CTNNA3: variants seen among roughly 807,000 people sequenced by gnomAD.
CTNNA3 encodes catenin alpha 3, also known as catenin alpha-3.
In CTNNA3, 76 loss-of-function variants were observed where a neutral mutation model predicts 95.7. The ratio of observed to expected loss-of-function variants is 0.79; its 90% CI spans 0.66 to 0.96. The LOEUF is 0.96. Ranked by LOEUF, CTNNA3 falls within the 40% of genes least tolerant of loss-of-function variation. The pLI is 0.00. For synonymous variants in CTNNA3, 431 were observed against 374.4 expected, an observed-to-expected ratio of 1.15 and a Z score of -1.74; for missense variants, 1,191 against 1,089.8, an observed-to-expected ratio of 1.09 and a Z score of -1.31.
At chr10:66,851,345 C>T (rs10997408) in intron 7 of CTNNA3, among the ~76,000 whole-genome samples, 87,705 of 151,968 alleles carry the variant, frequency 0.58, 26,352 homozygotes, top group Non-Finnish European at 0.63. Flanking sequence ...GCCCAGTAAT[C>T]TGGCATTCAA....
At chr10:66,245,583 G>A (rs2090284024) in intron 13 of CTNNA3, among the ~76,000 whole-genome samples, 2 of 152,314 alleles carry the variant, frequency 1.3e-5, no homozygotes, top group African/African-American at 2.4e-5. Flanking sequence ...GTCCCACAGA[G>A]GGTAGCTCCT....
intron 7 of CTNNA3, among the ~76,000 whole-genome samples, chr10:67,064,554 G>T (rs1170781904): frequency 1.3e-5 from 2 of 152,052 alleles, no homozygotes; most frequent in African/African-American, 4.8e-5. Context: ...TTTATAATTA[G>T]AACCAAATAA....
At chr10:66,242,740 C>T (rs2090160082) in intron 13 of CTNNA3, among the ~76,000 whole-genome samples, 1 of 152,054 alleles carries the variant, frequency 6.6e-6, no homozygotes, top group Admixed American at 6.5e-5. Flanking sequence ...ATATATTTAG[C>T]CCTCACCCTG....
At chr10:67,468,020 CTTT>C (rs746617151) in intron 5 of CTNNA3, among the ~76,000 whole-genome samples, 2 of 142,508 alleles carry the variant, frequency 1.4e-5, no homozygotes, top group Non-Finnish European at 3.1e-5. Context: ...CTCCAACTTT[CTTT>C]TTTTTTTTTT....
intron 15 of CTNNA3, among the ~76,000 whole-genome samples, chr10:66,011,246 G>C (rs2079000033): frequency 1.3e-5 from 2 of 151,796 alleles, no homozygotes; most frequent in Non-Finnish European, 2.9e-5. Context: ...CCTCCCTCTT[G>C]GCCACATTCT....
intron 5 of CTNNA3, among the ~76,000 whole-genome samples, chr10:67,435,067 T>C (rs1054857281): frequency 1.3e-5 from 2 of 152,052 alleles, no homozygotes; most frequent in Non-Finnish European, 2.9e-5. Flanking sequence ...AATAAAGCAT[T>C]TCTTTTTGTT....
intron 9 of CTNNA3, among the ~76,000 whole-genome samples, chr10:66,689,185 C>T (rs1847421195): frequency 6.6e-6 from 1 of 151,892 alleles, no homozygotes; most frequent in African/African-American, 2.4e-5. Context: ...ACACTTAGGG[C>T]AGAGGGGGAA....
chr10:66,041,050 A>C (rs1230242046), intron 15 of CTNNA3, among the ~76,000 whole-genome samples: 1 of 152,172 alleles, frequency 6.6e-6, no homozygotes, highest in Non-Finnish European at 1.5e-5. Flanking sequence ...CCAAATGATC[A>C]AGGTTAATTA....
At chr10:66,573,351 T>C (rs934956385) in intron 10 of CTNNA3, among the ~76,000 whole-genome samples, 13 of 152,288 alleles carry the variant, frequency 8.5e-5, no homozygotes, top group Admixed American at 5.9e-4. Flanking sequence ...TTATGAATGA[T>C]GTGATTGACT....
chr10:66,419,358 A>T (rs117004266), intron 11 of CTNNA3, among the ~76,000 whole-genome samples: 9 of 152,122 alleles, frequency 5.9e-5, no homozygotes, highest in African/African-American at 2.2e-4. Context: ...TCTACAAGGA[A>T]AACTATAAGA....
chr10:66,755,498 A>T (rs1403551718), intron 9 of CTNNA3, among the ~76,000 whole-genome samples: 1 of 152,142 alleles, frequency 6.6e-6, no homozygotes, highest in Non-Finnish European at 1.5e-5. Flanking sequence ...TAATTAGGGA[A>T]ATGCAAGTTG....
At chr10:65,986,939 G>T (rs1329391291) in intron 16 of CTNNA3, among the ~76,000 whole-genome samples, 2 of 151,422 alleles carry the variant, frequency 1.3e-5, no homozygotes, top group Non-Finnish European at 3.0e-5. Flanking sequence ...TTTTGAACAA[G>T]TGTCAAGAAC....
intron 9 of CTNNA3, among the ~76,000 whole-genome samples, chr10:66,661,591 A>G (rs1433492279): frequency 1.3e-5 from 2 of 152,134 alleles, no homozygotes; most frequent in Non-Finnish European, 1.5e-5. Flanking sequence ...TAAAGCATTG[A>G]TCTCTACTCT....
intron 7 of CTNNA3, among the ~76,000 whole-genome samples, chr10:67,155,086 A>G (rs921858486): frequency 1.1e-4 from 16 of 152,174 alleles, no homozygotes; most frequent in African/African-American, 3.1e-4. Context: ...ATTAATTTAG[A>G]GGACTACTGT....
chr10:66,513,918 C>T (rs12778097), intron 11 of CTNNA3, among the ~76,000 whole-genome samples: 7 of 152,210 alleles, frequency 4.6e-5, no homozygotes, highest in Admixed American at 6.5e-5. Context: ...TTAGGTTCAG[C>T]TGGTAATGTA....
intron 13 of CTNNA3, among the ~76,000 whole-genome samples, chr10:66,256,445 C>T (rs1221012271): frequency 3.9e-5 from 6 of 152,072 alleles, no homozygotes; most frequent in Admixed American, 3.3e-4. Context: ...GTGCTTGGGG[C>T]GCGGTGGCTC....
In CTNNA3 at chr10:66,341,457, A is replaced by AAAG. The variant is rs144836532; in HGVS notation, c.1732+37692_1732+37694dup. 7.1e-3 allele frequency among the ~76,000 whole-genome samples: 1,073 copies of AAAG among 152,004 alleles called. 15 individuals are homozygous for AAAG. Among genetic ancestry groups the AAAG allele is most frequent in the Middle Eastern group, 0.01 (3 of 292 alleles). On this transcript the variant is annotated intron_variant, in intron 12 of 17. Coordinates refer to ENST00000433211, the MANE Select transcript of CTNNA3 (RefSeq NM_013266.4). ...AATTAAGCTATTAAAACTACAAATA[A>AAAG]AAGAGTATTTTTAGTTCTAAGAAGA...
rs567080456 is a variant in CTNNA3, at chr10:67,740,151, A to T, written c.-2+23283T>A. Among the ~76,000 whole-genome samples the T allele has an allele frequency of 6.0e-4, 91 of 152,306 alleles. 2 individuals are homozygous for T. Among genetic ancestry groups the T allele is most frequent in the African/African-American group, 2.1e-3 (87 of 41,572 alleles). The stretch of plus-strand genomic sequence containing the variant: ...TCCCTTCCTTACACCTTATACAAAA[A>T]TTAATTCAAGATGGATTAAAGACTT... On this transcript the variant is annotated intron_variant, in intron 1 of 17. Transcript: ENST00000684154.
At chr10:66,988,475 T>C (rs1252373596) in intron 7 of CTNNA3, among the ~76,000 whole-genome samples, 2 of 152,210 alleles carry the variant, frequency 1.3e-5, no homozygotes, top group Non-Finnish European at 2.9e-5. Context: ...TCATTCTTAC[T>C]GAGTGGAAAA....
Sources: gnomAD v4.1 joint callset for allele counts (sites outside exome capture counted in the v4.1 genomes callset) on GRCh38, gnomAD v4.1.1 for gene constraint, MANE v1.5 for transcripts, NCBI Gene and HGNC (gene_info 2026-07-23, HGNC 2026-07-21) for gene names.